POTEF: variants seen among roughly 807,000 people sequenced by gnomAD.
POTEF encodes ANKRD26-like family C member 1B.
Under a neutral mutation model 83.2 loss-of-function variants are expected in POTEF, and 20 were observed. The observed-to-expected ratio is 0.24, with a 90% CI of 0.17 to 0.35. POTEF has a LOEUF of 0.35. Among genes scored for constraint, POTEF ranks in the 10% least tolerant of loss-of-function variants. POTEF has a pLI of 1.00. For synonymous variants in POTEF, 196 were observed against 446.4 expected (o/e 0.44, Z 7.07); for missense variants, 550 against 1,203.2 (o/e 0.46, Z 8.03).
At chr2:130,091,464 CT>C (rs1365544257) in intron 12 of POTEF, among the ~76,000 whole-genome samples, 14 of 152,112 alleles carry the variant, frequency 9.2e-5, no homozygotes, top group African/African-American at 3.1e-4. Context: ...AGTTTTCTCC[CT>C]GTTTAAAAGA....
intron 11 of POTEF, among the ~76,000 whole-genome samples, chr2:130,094,877 GAATA>G (rs1235189851): frequency 6.6e-5 from 8 of 121,942 alleles, no homozygotes; most frequent in African/African-American, 2.2e-4. Flanking sequence ...TACTATTAAA[GAATA>G]AATAGTGAAT....
At chr2:130,119,065 T>G (rs1684924907) in intron 3 of POTEF, among the ~76,000 whole-genome samples, 1 of 152,008 alleles carries the variant, frequency 6.6e-6, no homozygotes, top group South Asian at 2.1e-4. Context: ...AAAATTAATT[T>G]ATCACAATAA....
chr2:130,088,595 C>CT lies in POTEF; in HGVS notation c.1481-459dup, dbSNP rs1312968637. On this transcript the variant is annotated intron_variant, in intron 12 of 16. Coordinates refer to ENST00000409914, the MANE Select transcript of POTEF (RefSeq NM_001099771.2). ...AATTTATTTTCTTTTTTTCTTTTTTCTTTTTTTTTTTTTATGAGCTAGAGT... is the reference window on the plus strand; with the variant it reads ...AATTTATTTTCTTTTTTTCTTTTTTCTTTTTTTTTTTTTTATGAGCTAGAGT... Among the ~76,000 whole-genome samples the CT allele has an allele frequency of 7.6e-3, 387 of 51,088 alleles. 3 individuals are homozygous for CT. Among genetic ancestry groups the CT allele is most frequent in the African/African-American group, 0.026 (270 of 10,542 alleles). 33.5% of individuals were successfully genotyped at this position (51,088 alleles called of 152,430 possible).
At chr2:130,116,555 T>C (rs1684850645) in intron 3 of POTEF, among the ~76,000 whole-genome samples, 1 of 140,628 alleles carries the variant, frequency 7.1e-6, no homozygotes, top group African/African-American at 2.8e-5. Flanking sequence ...TCTAGGTATC[T>C]GTGTGTTCTC....
intron 8 of POTEF, among the ~76,000 whole-genome samples, chr2:130,106,195 T>C (rs1004977185): frequency 6.6e-6 from 1 of 150,790 alleles, no homozygotes; most frequent in Non-Finnish European, 1.5e-5. Context: ...AGGATATCAA[T>C]GAACAACCAA....
chr2:130,113,897 A>G (rs1684774886), intron 5 of POTEF, among the ~76,000 whole-genome samples: 1 of 151,648 alleles, frequency 6.6e-6, no homozygotes, highest in African/African-American at 2.4e-5. Context: ...AGTAGGAGAG[A>G]GACCCATTTG....
At chr2:130,114,296 A>AACAC (rs763491163) in intron 5 of POTEF, among the ~76,000 whole-genome samples, 1 of 151,736 alleles carries the variant, frequency 6.6e-6, no homozygotes, top group Middle Eastern at 3.4e-3. Context: ...CAACAACAAC[A>AACAC]ACACACACAC....
intron 5 of POTEF, among the ~76,000 whole-genome samples, chr2:130,113,513 T>TA (rs1190630723): frequency 1.1e-5 from 1 of 94,838 alleles, no homozygotes; most frequent in Admixed American, 1.4e-4. Context: ...TTTGAGAAAA[T>TA]TGTTGTTGTT....
At position 130,113,851 on chromosome 2, in the gene POTEF, C is replaced by T. The variant is rs545570115; in HGVS notation, c.810+1030G>A. The stretch of plus-strand genomic sequence containing the variant: ...ATTTCTCACCCACATGACCAATTCC[C>T]TTTCTCATTTGAAGATTTGGCCAAA... On this transcript the variant is annotated intron_variant, in intron 5 of 16. Transcript: ENST00000409914. Among the ~76,000 whole-genome samples the T allele has an allele frequency of 2.6e-4, 39 of 151,484 alleles. 2 individuals carry two copies. The highest frequency in any genetic ancestry group is 9.5e-4 in the African/African-American group (39 of 41,150).
At chr2:130,103,483 C>T (rs956528203) in intron 8 of POTEF, among the ~76,000 whole-genome samples, 9 of 143,456 alleles carry the variant, frequency 6.3e-5, no homozygotes, top group Non-Finnish European at 1.1e-4. Flanking sequence ...TACCTCCTTC[C>T]TTGAGGCTGC....
rs1684968136 is a variant in POTEF, at chr2:130,120,381, A to C, written c.135T>G (p.Thr45=). 2 of 1,602,370 alleles carry C rather than the reference A, an allele frequency of 1.2e-6. No homozygotes were observed. The highest frequency in any genetic ancestry group is 1.7e-6 in the Non-Finnish European group (2 of 1,171,122). ...TAGCAGAGTCGTCGTGGTCTCCAGA[A>C]GTGCCCACGTTGCTCTTGCCGCTCT... is the stretch of plus-strand genomic sequence containing the variant. The part of the protein sequence containing the change: ...CRESGKSNVG[T]SGDHDDSAMK... Residue 45 remains threonine (T), a synonymous_variant, in exon 3 of 17, where the codon ACT becomes ACG. Transcript: ENST00000409914.
chr2:130,114,062 C>G (rs1308701104), intron 5 of POTEF, among the ~76,000 whole-genome samples: 1 of 151,886 alleles, frequency 6.6e-6, no homozygotes, highest in African/African-American at 2.4e-5. Context: ...CCATTTCTAC[C>G]AGAATAGGAT....
Position 130,076,078 on chromosome 2 carries a change from G to A in POTEF, c.1900-506C>T, listed in dbSNP as rs553828502. 8.4e-5 allele frequency among the ~76,000 whole-genome samples: 8 copies of A among 95,160 alleles called. 1 individual carries two copies. The highest frequency in any genetic ancestry group is 6.4e-4 in the South Asian group (2 of 3,134). 62.4% of individuals were successfully genotyped at this position (95,160 alleles called of 152,430 possible). ...CTTTAAGTTTCTTTTACTTAAGAAC[G>A]TTTTACCGATATTCTACATTTCTAA... On this transcript the variant is annotated intron_variant, in intron 16 of 16. Coordinates refer to ENST00000409914, the MANE Select transcript of POTEF (RefSeq NM_001099771.2).
At chr2:130,119,187 G>A (rs1245509044) in intron 3 of POTEF, among the ~76,000 whole-genome samples, 5 of 147,242 alleles carry the variant, frequency 3.4e-5, no homozygotes, top group African/African-American at 5.1e-5. Context: ...TTTTTGAAAC[G>A]GAGTCTCGCT....
intron 3 of POTEF, among the ~76,000 whole-genome samples, chr2:130,116,967 T>G (rs62163068): frequency 1.7e-5 from 2 of 121,186 alleles, no homozygotes; most frequent in Admixed American, 1.8e-4. Flanking sequence ...TCCTGAGAGA[T>G]AGTAGAATAT....
intron 16 of POTEF, among the ~76,000 whole-genome samples, chr2:130,076,458 T>C (rs1683808685): frequency 1.3e-5 from 2 of 150,088 alleles, no homozygotes; most frequent in African/African-American, 5.0e-5. Context: ...GCGGTAACTT[T>C]TATTTCCTCT....
chr2:130,106,873 A>T (rs1334621701), intron 8 of POTEF, among the ~76,000 whole-genome samples: 1 of 149,130 alleles, frequency 6.7e-6, no homozygotes, highest in African/African-American at 2.6e-5. Context: ...TGAAAACATA[A>T]ATAGAAATGT....
intron 3 of POTEF, among the ~76,000 whole-genome samples, chr2:130,117,376 C>T (rs536383475): frequency 3.3e-5 from 5 of 151,878 alleles, no homozygotes; most frequent in Admixed American, 3.3e-4. Flanking sequence ...AAGCATATTC[C>T]TTCTCTTCCC....
At chr2:130,077,449 A>G (rs1683851574) in intron 15 of POTEF, among the ~76,000 whole-genome samples, 1 of 152,132 alleles carries the variant, frequency 6.6e-6, no homozygotes, top group Non-Finnish European at 1.5e-5. Flanking sequence ...CAAGTATATT[A>G]CATTCATTGT....
Sources: gnomAD v4.1 joint callset for allele counts (sites outside exome capture counted in the v4.1 genomes callset) on GRCh38, gnomAD v4.1.1 for gene constraint, MANE v1.5 for transcripts, NCBI Gene and HGNC (gene_info 2026-07-23, HGNC 2026-07-21) for gene names.